Variants in RALYL observed in about 807,000 individuals in gnomAD.
RALYL encodes the protein RNA-binding Raly-like protein.
A neutral mutation model predicts 35.1 loss-of-function variants in RALYL; 29 were observed. The observed-to-expected ratio is 0.83, with a 90% CI of 0.61 to 1.13. The LOEUF (loss-of-function observed/expected upper bound fraction) is 1.13. RALYL is among the 50% of genes most tolerant of loss of function. The pLI, the probability that RALYL is intolerant of heterozygous loss-of-function variation, is 0.00. For synonymous variants in RALYL, 120 were observed against 127.6 expected (o/e 0.94, Z 0.40); for missense variants, 359 against 360.4 (o/e 1.00, Z 0.03).
chr8:84,694,405 G>A (rs533161442), intron 2 of RALYL, among the ~76,000 whole-genome samples: 1 of 151,888 alleles, frequency 6.6e-6, no homozygotes, highest in African/African-American at 2.4e-5. Flanking sequence ...TTTAAGCAAG[G>A]AGGTGAAACA....
intron 1 of RALYL, among the ~76,000 whole-genome samples, chr8:84,248,436 G>C (rs1829555491): frequency 6.6e-6 from 1 of 152,084 alleles, no homozygotes; most frequent in Non-Finnish European, 1.5e-5. Flanking sequence ...GTACACCTAA[G>C]AGCTCTTTGT....
At chr8:84,815,396 T>G (rs1427045348) in intron 4 of RALYL, among the ~76,000 whole-genome samples, 1 of 147,298 alleles carries the variant, frequency 6.8e-6, no homozygotes, top group Non-Finnish European at 1.5e-5. Context: ...ATTATAAGTA[T>G]TTATATATTT....
chr8:84,552,008 G>A (rs1459009799), intron 2 of RALYL, among the ~76,000 whole-genome samples: 1 of 151,838 alleles, frequency 6.6e-6, no homozygotes, highest in Non-Finnish European at 1.5e-5. Context: ...ACATGCATGT[G>A]CACACATACA....
intron 2 of RALYL, among the ~76,000 whole-genome samples, chr8:84,562,669 T>G (rs1031603723): frequency 6.6e-6 from 1 of 151,700 alleles, no homozygotes; most frequent in African/African-American, 2.4e-5. Context: ...CACTACTAAC[T>G]AACAACCTTC....
intron 2 of RALYL, among the ~76,000 whole-genome samples, chr8:84,657,102 CA>C (rs1830092541): frequency 6.6e-6 from 1 of 152,028 alleles, no homozygotes; most frequent in Non-Finnish European, 1.5e-5. Flanking sequence ...TAAAACAGAC[CA>C]AAATTCTGTA....
intron 1 of RALYL, among the ~76,000 whole-genome samples, chr8:84,403,208 G>A (rs2043098330): frequency 6.6e-6 from 1 of 152,008 alleles, no homozygotes; most frequent in African/African-American, 2.4e-5. Context: ...AATTGCTTTT[G>A]ATGTTTTAGT....
chr8:84,353,145 A>G (rs1851225230), intron 1 of RALYL, among the ~76,000 whole-genome samples: 1 of 149,900 alleles, frequency 6.7e-6, no homozygotes, highest in Non-Finnish European at 1.5e-5. Flanking sequence ...AGTCCCTCCC[A>G]TGTTACTGTC....
Position 84,850,822 on chromosome 8 carries a change from G to A in RALYL, c.413+795G>A, listed in dbSNP as rs188929157. Among the ~76,000 whole-genome samples the A allele has an allele frequency of 7.2e-5, 11 of 152,248 alleles. No homozygotes were observed. In the East Asian group the frequency reaches 1.9e-3, roughly 27 times the overall value. On this transcript the variant is annotated intron_variant, in intron 5 of 8. Transcript: ENST00000521268. Reference sequence around the variant, plus strand: ...GAATTAGCTTTGACATTCTATCAATGTTGTGAACTATCTCTGAGAGTTCTT... The same window carrying A: ...GAATTAGCTTTGACATTCTATCAATATTGTGAACTATCTCTGAGAGTTCTT...
intron 1 of RALYL, among the ~76,000 whole-genome samples, chr8:84,523,382 T>A (rs1016565360): frequency 6.6e-6 from 1 of 152,062 alleles, no homozygotes; most frequent in African/African-American, 2.4e-5. Context: ...TTCAATTACC[T>A]CCCACTGGGT....
At chr8:84,301,460 A>G (rs552441347) in intron 1 of RALYL, among the ~76,000 whole-genome samples, 2 of 152,168 alleles carry the variant, frequency 1.3e-5, no homozygotes, top group African/African-American at 4.8e-5. Context: ...TTTCATGGAC[A>G]ATATCTTCAA....
intron 4 of RALYL, among the ~76,000 whole-genome samples, chr8:84,848,040 T>C (rs1835021416): frequency 6.6e-6 from 1 of 152,204 alleles, no homozygotes. Flanking sequence ...AGTTACAAAG[T>C]AAAGGTCTGT....
intron 1 of RALYL, among the ~76,000 whole-genome samples, chr8:84,446,012 A>G (rs72679330): frequency 0.011 from 1,743 of 152,098 alleles, 13 homozygotes; most frequent in Middle Eastern, 0.024. Context: ...GAAAATATCA[A>G]GGAAAACAGG....
chr8:84,427,175 G>A (rs1441929200), intron 1 of RALYL, among the ~76,000 whole-genome samples: 2 of 152,224 alleles, frequency 1.3e-5, no homozygotes, highest in Non-Finnish European at 2.9e-5. Flanking sequence ...TAGCAAGTGT[G>A]TGCATGAGAG....
chr8:84,843,727 A>G (rs373048774), intron 4 of RALYL, among the ~76,000 whole-genome samples: 30 of 152,094 alleles, frequency 2.0e-4, no homozygotes, highest in South Asian at 4.1e-4. Context: ...ATACTACAAG[A>G]CTACAGTAAC....
chr8:84,473,568 T>C (rs966981467), intron 1 of RALYL, among the ~76,000 whole-genome samples: 4 of 151,810 alleles, frequency 2.6e-5, no homozygotes, highest in Non-Finnish European at 5.9e-5. Flanking sequence ...TTTCACTTTA[T>C]TTAAGCTTTT....
chr8:84,849,898 T>G (rs1246164100), intron 4 of RALYL, 82 bp from the exon 5 acceptor site: 2 of 722,858 alleles, frequency 2.8e-6, no homozygotes, highest in South Asian at 4.3e-5. Flanking sequence ...GTAACAAATT[T>G]TATGCTATAA....
chr8:84,737,864 A>T (rs1369702059), intron 2 of RALYL, among the ~76,000 whole-genome samples: 1 of 152,010 alleles, frequency 6.6e-6, no homozygotes, highest in African/African-American at 2.4e-5. Flanking sequence ...GCATGCTCTT[A>T]CCAGACACAG....
intron 2 of RALYL, among the ~76,000 whole-genome samples, chr8:84,675,900 GA>G (rs1259599166): frequency 1.3e-5 from 2 of 152,120 alleles, no homozygotes; most frequent in African/African-American, 4.8e-5. Flanking sequence ...TAAAAAGGGG[GA>G]AATATATTAT....
chr8:84,718,590 C>T (rs1843320585), intron 2 of RALYL, among the ~76,000 whole-genome samples: 1 of 151,836 alleles, frequency 6.6e-6, no homozygotes, highest in African/African-American at 2.4e-5. Flanking sequence ...ATGGTGAAAC[C>T]TCATCTCTAC....
Sources: allele counts gnomAD v4.1 joint callset (sites outside exome capture counted in the v4.1 genomes callset), GRCh38; gene constraint gnomAD v4.1.1; transcripts MANE v1.5; gene names NCBI Gene and HGNC (gene_info 2026-07-23, HGNC 2026-07-21).